Variants in MYO10 observed in about 807,000 individuals in gnomAD.
The protein encoded by MYO10 is myosin X.
In MYO10, 133 loss-of-function variants were observed where a neutral mutation model predicts 257.3. The observed-to-expected ratio is 0.52, with a 90% CI of 0.45 to 0.60. The LOEUF (loss-of-function observed/expected upper bound fraction) is 0.60, where lower values mean the gene tolerates loss of function less well. MYO10 is among the 20% of genes least tolerant of loss of function. The pLI is 0.00. For missense variants in MYO10, 2,399 were observed against 2,635.7 expected (o/e 0.91, Z 1.97); for synonymous variants, 1,104 against 1,028.6 (o/e 1.07, Z -1.40).
intron 28 of MYO10, 62 bp from the exon 29 acceptor site, chr5:16,685,893 G>T: frequency 7.8e-7 from 1 of 1,275,018 alleles, no homozygotes; most frequent in Non-Finnish European, 1.1e-6. Flanking sequence ...AAGCAATAGT[G>T]CCCTACTGCA....
chr5:16,928,170 G>C (rs1158511787), intron 1 of MYO10, among the ~76,000 whole-genome samples: 1 of 152,078 alleles, frequency 6.6e-6, no homozygotes, highest in Non-Finnish European at 1.5e-5. Context: ...AAATCATCTT[G>C]TTTTCTAAGT....
At position 16,927,311 on chromosome 5, in the gene MYO10, C is replaced by T. The variant is rs538746937; in HGVS notation, c.21+8477G>A. Among the ~76,000 whole-genome samples, 19 of 152,052 alleles carry T rather than the reference C, an allele frequency of 1.2e-4. No individual in the cohort carries two copies. In the East Asian group the frequency reaches 3.3e-3, roughly 26 times the overall value. ...TTGTGTCTTCTGCTTATGGTATTTT[C>T]TTTTGTTTGTTTGTTTATTTATTTA... On this transcript the variant is annotated intron_variant, in intron 1 of 40. Transcript: ENST00000513610.
intron 2 of MYO10, among the ~76,000 whole-genome samples, chr5:16,857,028 A>G (rs115605534): frequency 0.012 from 1,848 of 152,374 alleles, 33 homozygotes; most frequent in Middle Eastern, 0.034. Flanking sequence ...CTGATCTTCC[A>G]TGTTAAAAAT....
intron 2 of MYO10, among the ~76,000 whole-genome samples, chr5:16,874,313 G>A (rs1288033128): frequency 1.0e-4 from 12 of 118,224 alleles, no homozygotes; most frequent in Non-Finnish European, 1.6e-4. Flanking sequence ...CAGCCTGGGC[G>A]ACAGAGCAAG....
intron 2 of MYO10, among the ~76,000 whole-genome samples, chr5:16,873,480 C>T (rs1258280857): frequency 1.3e-5 from 2 of 152,182 alleles, no homozygotes; most frequent in African/African-American, 2.4e-5. Context: ...TACCATTCTG[C>T]GGACTGGAGG....
At chr5:16,672,923 C>T in intron 36 of MYO10, 98 bp from the exon 37 acceptor site, 1 of 1,382,640 alleles carries the variant, frequency 7.2e-7, no homozygotes, top group Non-Finnish European at 9.7e-7. Context: ...GAGCTGCTGG[C>T]ACAAGGGCGT....
intron 4 of MYO10, among the ~76,000 whole-genome samples, chr5:16,791,855 T>A (rs925559408): frequency 2.0e-5 from 3 of 152,182 alleles, no homozygotes; most frequent in African/African-American, 7.2e-5. Context: ...AGCCCACAAA[T>A]AGTGGTTCTA....
chr5:16,670,640 A>G lies in MYO10; in HGVS notation c.5769T>C (p.Ser1923=). The G allele has an allele frequency of 6.2e-7, 1 of 1,613,996 alleles. No homozygotes were observed. The highest frequency in any genetic ancestry group is 8.5e-7 in the Non-Finnish European group (1 of 1,179,894). The part of the protein sequence containing the change: ...IKEEVSSARA[S]IIDKWRKFQG... ...GAAATTTCCTCCACTTGTCAATGAT[A>G]CTGGCTCGAGCAGAGGAGACTTCTT... The change falls in exon 39 of 41, where the codon AGT becomes AGC. Residue 1923 remains serine, a synonymous_variant. Coordinates refer to ENST00000513610, the MANE Select transcript of MYO10 (RefSeq NM_012334.3).
chr5:16,665,433 T>G lies in MYO10; in HGVS notation c.*1259A>C, dbSNP rs1325808235. ...AGTTGGCCCAAGTCCTTAAAACTTTTCCATATAAAAATAAAAAGTCCAAGA... is the reference window on the plus strand; with the variant it reads ...AGTTGGCCCAAGTCCTTAAAACTTTGCCATATAAAAATAAAAAGTCCAAGA... On this transcript the variant is annotated 3_prime_UTR_variant, in exon 41 of 41. Transcript: ENST00000513610. 6.6e-6 allele frequency: 1 copy of G among 152,186 alleles called. No individual in the cohort carries two copies. The highest frequency in any genetic ancestry group is 1.5e-5 in the Non-Finnish European group (1 of 68,030). The allele number at this position is 152,186 out of a possible 1,614,324, so 9.4% of individuals were successfully genotyped here.
chr5:16,893,352 T>G (rs1745123047), intron 1 of MYO10, among the ~76,000 whole-genome samples: 1 of 152,098 alleles, frequency 6.6e-6, no homozygotes, highest in African/African-American at 2.4e-5. Flanking sequence ...ATTTCTCTCC[T>G]GCTGGGCACC....
intron 2 of MYO10, among the ~76,000 whole-genome samples, chr5:16,874,283 G>A (rs1348457015): frequency 1.1e-4 from 15 of 135,084 alleles, no homozygotes; most frequent in African/African-American, 3.0e-4. Flanking sequence ...GCAGTGAGCC[G>A]AGATCGCGCC....
chr5:16,694,301 G>A, intron 27 of MYO10, 70 bp downstream of exon 27: 1 of 1,598,774 alleles, frequency 6.3e-7, no homozygotes, highest in Admixed American at 1.7e-5. Flanking sequence ...AACTTGCACA[G>A]CATGGCTCTA....
intron 19 of MYO10, among the ~76,000 whole-genome samples, chr5:16,747,719 C>T (rs182267650): frequency 6.6e-6 from 1 of 151,954 alleles, no homozygotes; most frequent in African/African-American, 2.4e-5. Context: ...GAGATTGAGA[C>T]CAGTCTGGCT....
intron 19 of MYO10, among the ~76,000 whole-genome samples, chr5:16,720,608 G>A (rs1739116527): frequency 6.6e-6 from 1 of 152,044 alleles, no homozygotes; most frequent in African/African-American, 2.4e-5. Flanking sequence ...ATAGGCACGT[G>A]CCACCACACC....
At chr5:16,797,938 C>A (rs988649712) in intron 3 of MYO10, among the ~76,000 whole-genome samples, 4 of 152,184 alleles carry the variant, frequency 2.6e-5, no homozygotes, top group African/African-American at 9.6e-5. Flanking sequence ...AAGGTGATTA[C>A]AAAGGTAAGA....
In MYO10 at chr5:16,757,875, G is replaced by A. The variant is rs147162128; in HGVS notation, c.1848+243C>T. On this transcript the variant is annotated intron_variant, in intron 18 of 40. Transcript: ENST00000513610. ...AGACAGGATTTCACCATGTTGCCCC[G>A]GCTGGTTTTGAACCCCTGAGCTCAG... 8.6e-3 allele frequency among the ~76,000 whole-genome samples: 1,302 copies of A among 152,240 alleles called. 23 individuals carry two copies. Among genetic ancestry groups the A allele is most frequent in the African/African-American group, 0.03 (1,263 of 41,554 alleles).
At chr5:16,828,659 T>TTCAAAGGA (rs1318730289) in intron 2 of MYO10, among the ~76,000 whole-genome samples, 1 of 150,694 alleles carries the variant, frequency 6.6e-6, no homozygotes, top group Non-Finnish European at 1.5e-5. Flanking sequence ...CCAGTGACCC[T>TTCAAAGGA]TCAAAGGAGA....
intron 32 of MYO10, 113 bp from the exon 33 acceptor site, chr5:16,680,217 C>G: frequency 7.8e-7 from 1 of 1,289,208 alleles, no homozygotes; most frequent in Non-Finnish European, 1.1e-6. Context: ...TCAATAGACA[C>G]TGGCTTAATT....
intron 1 of MYO10, among the ~76,000 whole-genome samples, chr5:16,908,681 GA>G (rs1323886161): frequency 1.3e-5 from 2 of 151,984 alleles, no homozygotes; most frequent in Non-Finnish European, 2.9e-5. Flanking sequence ...CATAAATATT[GA>G]AACATACACA....
Sources: allele counts gnomAD v4.1 joint callset (sites outside exome capture counted in the v4.1 genomes callset), GRCh38; gene constraint gnomAD v4.1.1; transcripts MANE v1.5; gene names NCBI Gene and HGNC (gene_info 2026-07-23, HGNC 2026-07-21).